Variants in ATP10B observed in about 807,000 individuals in gnomAD.
ATP10B encodes the protein ATPase phospholipid transporting 10B (putative), also known as phospholipid-transporting ATPase VB.
A neutral mutation model predicts 141.2 loss-of-function variants in ATP10B; 122 were observed. The ratio of observed to expected loss-of-function variants is 0.86; its 90% confidence interval spans 0.75 to 1.00. The LOEUF (loss-of-function observed/expected upper bound fraction) is 1.00, where lower values mean the gene tolerates loss of function less well. ATP10B is among the 50% of genes least tolerant of loss of function. The pLI is 0.00. For missense variants in ATP10B, 1,876 were observed against 1,825.3 expected (o/e 1.03, Z -0.51); for synonymous variants, 685 against 692.0 (o/e 0.99, Z 0.16).
upstream of ATP10B, among the ~76,000 whole-genome samples, chr5:160,855,702 TA>T (rs925422293): frequency 6.6e-6 from 1 of 151,906 alleles, no homozygotes; most frequent in African/African-American, 2.4e-5. Context: ...CCTATTTCTC[TA>T]AAAATTTTAT....
chr5:160,718,605 G>A (rs1765793854), intron 2 of ATP10B, among the ~76,000 whole-genome samples: 1 of 152,192 alleles, frequency 6.6e-6, no homozygotes, highest in African/African-American at 2.4e-5. Context: ...AAGACATAGG[G>A]AAAGGGTACA....
the ATP10B span, among the ~76,000 whole-genome samples, chr5:160,901,111 A>G: frequency 6.6e-6 from 1 of 152,076 alleles, no homozygotes; most frequent in Admixed American, 6.6e-5. Flanking sequence ...AAGAGTCACC[A>G]CAAGCCAAAC....
intron 3 of ATP10B, among the ~76,000 whole-genome samples, chr5:160,690,243 C>A (rs1047020741): frequency 1.3e-5 from 2 of 152,096 alleles, no homozygotes; most frequent in Admixed American, 6.5e-5. Flanking sequence ...GACCCAAAAC[C>A]ATAAAAACCC....
intron 6 of ATP10B, among the ~76,000 whole-genome samples, chr5:160,674,404 G>C (rs1209026155): frequency 6.6e-6 from 1 of 152,210 alleles, no homozygotes; most frequent in Non-Finnish European, 1.5e-5. Flanking sequence ...TCTGTGAGCT[G>C]GGCTGGAGTA....
chr5:160,628,882 A>G (rs999015363), intron 13 of ATP10B, among the ~76,000 whole-genome samples: 1 of 152,084 alleles, frequency 6.6e-6, no homozygotes, highest in African/African-American at 2.4e-5. Context: ...TTAAAGCCAC[A>G]GATTTTATTG....
chr5:160,892,881 G>A, the ATP10B span, among the ~76,000 whole-genome samples: 66,638 of 151,772 alleles, frequency 0.44, 16,261 homozygotes, highest in Non-Finnish European at 0.54. Context: ...GACAGTTGGT[G>A]CAGTCCACAG....
Position 160,628,462 on chromosome 5 carries a change from G to A in ATP10B, c.1620+3667C>T, listed in dbSNP as rs148813924. On this transcript the variant is annotated intron_variant, in intron 13 of 25. Coordinates refer to ENST00000327245, the MANE Select transcript of ATP10B (RefSeq NM_025153.3). The stretch of plus-strand genomic sequence containing the variant: ...GTGTGTGTATGTGGGCTGTCCCACC[G>A]ATTTGGAGCAGACTGGGAGTGCTGC... Among the ~76,000 whole-genome samples, 691 of 152,324 alleles carry A rather than the reference G, an allele frequency of 4.5e-3. 4 individuals carry two copies. Among genetic ancestry groups the A allele is most frequent in the Non-Finnish European group, 4.7e-3 (323 of 68,030 alleles).
chr5:160,903,158 C>G, the ATP10B span, among the ~76,000 whole-genome samples: 2 of 152,166 alleles, frequency 1.3e-5, no homozygotes, highest in African/African-American at 2.4e-5. Flanking sequence ...AGCTTATAGA[C>G]AGAGAAGCTG....
chr5:160,653,159 AATATATATTATATATACAAT>A lies in ATP10B; in HGVS notation c.676-3923_676-3904del, dbSNP rs1438226177. On this transcript the variant is annotated intron_variant, in intron 7 of 25. Coordinates refer to ENST00000327245, the MANE Select transcript of ATP10B (RefSeq NM_025153.3). ...ACATAAATATATATTATAAATACAT[AATATATATTATATATACAAT>A]ATATTATATATACAATATATTATAT... Among the ~76,000 whole-genome samples the A allele has an allele frequency of 8.8e-3, 1,165 of 132,472 alleles. 14 individuals carry two copies. The highest frequency in any genetic ancestry group is 0.031 in the African/African-American group (1,100 of 35,248). The allele number at this position is 132,472 out of a possible 152,430, so 86.9% of individuals were successfully genotyped here.
chr5:160,699,736 A>C (rs1764572081), intron 3 of ATP10B, among the ~76,000 whole-genome samples: 1 of 152,152 alleles, frequency 6.6e-6, no homozygotes, highest in South Asian at 2.1e-4. Context: ...AGGGACAAGA[A>C]TTAAGGAGAA....
chr5:160,636,344 C>A, intron 10 of ATP10B, 35 bp from the exon 11 acceptor site: 1 of 1,606,076 alleles, frequency 6.2e-7, no homozygotes, highest in Non-Finnish European at 8.5e-7. Flanking sequence ...GAGGCTGAAT[C>A]TCTACTAAGT....
intron 1 of ATP10B, among the ~76,000 whole-genome samples, chr5:160,837,327 C>T (rs955058990): frequency 1.3e-5 from 2 of 152,120 alleles, no homozygotes; most frequent in African/African-American, 4.8e-5. Context: ...TCCACAAAAT[C>T]ATAAATGGCT....
intron 2 of ATP10B, among the ~76,000 whole-genome samples, chr5:160,742,136 G>GTAC (rs781707156): frequency 2.6e-5 from 4 of 152,228 alleles, no homozygotes; most frequent in Non-Finnish European, 5.9e-5. Context: ...TCTACTTCTG[G>GTAC]TACTGCAAGG....
chr5:160,578,651 G>A (rs531754786), intron 24 of ATP10B, among the ~76,000 whole-genome samples: 4 of 152,114 alleles, frequency 2.6e-5, no homozygotes, highest in African/African-American at 7.2e-5. Flanking sequence ...TGCAATAAAC[G>A]TGTGTGCATG....
chr5:160,915,779 G>A, the ATP10B span, among the ~76,000 whole-genome samples: 11 of 152,020 alleles, frequency 7.2e-5, no homozygotes. Context: ...CACCATGGTG[G>A]GCAAAGAGGC....
At chr5:160,661,744 G>A (rs1761925536) in intron 7 of ATP10B, among the ~76,000 whole-genome samples, 1 of 152,316 alleles carries the variant, frequency 6.6e-6, no homozygotes, top group African/African-American at 2.4e-5. Context: ...GCACAAGACA[G>A]GGATGCCCTC....
rs1391681056 is a variant in ATP10B, at chr5:160,592,933, C to T, written c.3565-1794G>A. Among the ~76,000 whole-genome samples the T allele has an allele frequency of 2.6e-5, 4 of 152,200 alleles. 1 individual carries two copies. The highest frequency in any genetic ancestry group is 4.4e-5 in the Non-Finnish European group (3 of 68,016). ...TGGGAAGCTCGAACTGGGTGGAGCCCACCACAGCTCAAGGAGGCCTGCCTG... is the reference window on the plus strand; with the variant it reads ...TGGGAAGCTCGAACTGGGTGGAGCCTACCACAGCTCAAGGAGGCCTGCCTG... On this transcript the variant is annotated intron_variant, in intron 22 of 25. Coordinates refer to ENST00000327245, the MANE Select transcript of ATP10B (RefSeq NM_025153.3).
chr5:160,907,221 T>G, the ATP10B span, among the ~76,000 whole-genome samples: 1 of 152,186 alleles, frequency 6.6e-6, no homozygotes, highest in South Asian at 2.1e-4. Context: ...GAAATCTTTC[T>G]AATAAATTTC....
rs989887977 is a variant in ATP10B, at chr5:160,715,489, C to T, written c.-205+1420G>A. 5.3e-4 allele frequency among the ~76,000 whole-genome samples: 76 copies of T among 143,292 alleles called. 1 individual carries two copies. The highest frequency in any genetic ancestry group is 3.2e-4 in the Non-Finnish European group (21 of 65,664). The allele number at this position is 143,292 out of a possible 152,430, so 94.0% of individuals were successfully genotyped here. ...TGCTTCGGCTCGCGCACGGTGCGCA[C>T]ACACACTGGCCTGCGCCCACTGTCT... is the stretch of plus-strand genomic sequence containing the variant. On this transcript the variant is annotated intron_variant, in intron 3 of 25. Coordinates refer to ENST00000327245, the MANE Select transcript of ATP10B (RefSeq NM_025153.3).
Sources: gnomAD v4.1 joint callset for allele counts (sites outside exome capture counted in the v4.1 genomes callset) on GRCh38, gnomAD v4.1.1 for gene constraint, MANE v1.5 for transcripts, NCBI Gene and HGNC (gene_info 2026-07-23, HGNC 2026-07-21) for gene names.